Variants in RBL2 observed in about 807,000 individuals in gnomAD.
RBL2 encodes the protein RB transcriptional corepressor like 2.
Under a neutral mutation model 126.0 loss-of-function variants are expected in RBL2, and 56 were observed. The ratio of observed to expected loss-of-function variants is 0.44; its 90% CI spans 0.36 to 0.56. The LOEUF (loss-of-function observed/expected upper bound fraction) is 0.56, where lower values mean the gene tolerates loss of function less well. RBL2 is among the 20% of genes least tolerant of loss of function. The probability of loss-of-function intolerance (pLI) is 0.00; values close to 1 mark genes in which losing one functional copy is unlikely to be tolerated. For synonymous variants in RBL2, 454 were observed against 478.5 expected, an observed-to-expected ratio of 0.95 and a Z score of 0.67; for missense variants, 1,229 against 1,398.2, an observed-to-expected ratio of 0.88 and a Z score of 1.93.
chr16:53,485,428 A>T (rs1009439106), intron 21 of RBL2, among the ~76,000 whole-genome samples: 1 of 152,236 alleles, frequency 6.6e-6, no homozygotes, highest in Non-Finnish European at 1.5e-5. Context: ...AGAAATACAT[A>T]CACCTATGTT....
intron 4 of RBL2, among the ~76,000 whole-genome samples, chr16:53,450,382 G>A (rs1028622461): frequency 2.0e-4 from 30 of 152,182 alleles, no homozygotes; most frequent in Admixed American, 5.2e-4. Context: ...TTGGGTAGGC[G>A]TTAAGTGTGA....
At position 53,465,444 on chromosome 16, in the gene RBL2, G is replaced by A. The variant is rs771254607; in HGVS notation, c.1705G>A (p.Glu569Lys). ...AAGACATTTTTTATTTCAGGTGATA[G>A]AAGTATTCATTAGAGCAGAAGATGG... The part of the protein sequence containing the change: ...VPLYHFYKVI[E>K]VFIRAEDGLC... Residue 569 changes from glutamate to lysine, a missense_variant, in exon 13 of 22, where the codon GAA (glutamate) becomes AAA (lysine). Transcript: ENST00000262133. 6.9e-7 allele frequency: 1 copy of A among 1,443,264 alleles called. No homozygotes were observed. Among genetic ancestry groups the A allele is most frequent in the Non-Finnish European group, 9.2e-7 (1 of 1,092,832 alleles). 89.4% of individuals were successfully genotyped at this position (1,443,264 alleles called of 1,614,324 possible).
chr16:53,480,034 T>C (rs1013423260), intron 19 of RBL2, 43 bp downstream of exon 19: 3 of 1,366,476 alleles, frequency 2.2e-6, no homozygotes, highest in Admixed American at 4.3e-5. Flanking sequence ...ATTAGGAGCT[T>C]TTCTTACTTT....
rs561127606 is a variant in RBL2, at chr16:53,482,536, G to A, written c.3249+701G>A. ...GATAAAGGTTGCTTAGAGGCTGGGC[G>A]TTGTGGCTCACACCTGTAATCCCAA... is the stretch of plus-strand genomic sequence containing the variant. On this transcript the variant is annotated intron_variant, in intron 21 of 21. Transcript: ENST00000262133. Among the ~76,000 whole-genome samples, 325 of 152,280 alleles carry A rather than the reference G, an allele frequency of 2.1e-3. 2 individuals are homozygous for A. The highest frequency in any genetic ancestry group is 6.9e-3 in the African/African-American group (285 of 41,566).
chr16:53,460,770 T>A (rs1466405530), intron 9 of RBL2, among the ~76,000 whole-genome samples: 1 of 152,170 alleles, frequency 6.6e-6, no homozygotes, highest in Non-Finnish European at 1.5e-5. Context: ...GGACTGTAAT[T>A]GATTTTTATT....
At chr16:53,471,074 G>A in intron 17 of RBL2, 152 bp downstream of exon 17, 1 of 723,472 alleles carries the variant, frequency 1.4e-6, no homozygotes, top group Non-Finnish European at 2.2e-6. Flanking sequence ...ACAGATATGT[G>A]CAATACTCAC....
Position 53,464,252 on chromosome 16 carries a change from C to G in RBL2, c.1587C>G (p.His529Gln). The G allele has an allele frequency of 6.3e-7, 1 of 1,592,784 alleles. No individual in the cohort carries two copies. The highest frequency in any genetic ancestry group is 1.4e-5 in the African/African-American group (1 of 73,990). The change falls in exon 12 of 22, where the codon CAC becomes CAG. Residue 529 changes from histidine to glutamine, a missense_variant. Physicochemically the swap from His to Gln is conservative, Grantham distance 24. Coordinates refer to ENST00000262133, the MANE Select transcript of RBL2 (RefSeq NM_005611.4). ...GTATTCTGGAACAAGATGCGTTCCACAGATCTCTCTTGGCCTGCTGCCTTG... is the reference window on the plus strand; with the variant it reads ...GTATTCTGGAACAAGATGCGTTCCAGAGATCTCTCTTGGCCTGCTGCCTTG... ...LSGILEQDAF[H>Q]RSLLACCLEV...
At chr16:53,437,166 C>T (rs10521287) in intron 1 of RBL2, among the ~76,000 whole-genome samples, 7,918 of 151,738 alleles carry the variant, frequency 0.052, 619 homozygotes, top group African/African-American at 0.18. Context: ...ATGCTGTGAC[C>T]GACTTAACTT....
At chr16:53,438,541 C>A (rs1267854748) in intron 1 of RBL2, among the ~76,000 whole-genome samples, 1 of 152,014 alleles carries the variant, frequency 6.6e-6, no homozygotes, top group East Asian at 1.9e-4. Flanking sequence ...GTTAATGTCA[C>A]ATTATAAGAA....
chr16:53,447,030 C>G lies in RBL2; in HGVS notation c.573-12C>G. On this transcript the variant is annotated splice_polypyrimidine_tract_variant and intron_variant, in intron 3 of 21. Transcript: ENST00000262133. ...CTGTTGTCTCATGACTTTTTTTTTTCTTCCCCCAAAGGCGACAGCCCTGTA... is the reference window on the plus strand; with the variant it reads ...CTGTTGTCTCATGACTTTTTTTTTTGTTCCCCCAAAGGCGACAGCCCTGTA... 1.4e-6 allele frequency: 2 copies of G among 1,434,872 alleles called. No homozygotes were observed. The highest frequency in any genetic ancestry group is 1.8e-6 in the Non-Finnish European group (2 of 1,089,150). The allele number at this position is 1,434,872 out of a possible 1,614,324, so 88.9% of individuals were successfully genotyped here. A position where few individuals can be genotyped will look rare whatever the true frequency, so the allele number is the denominator to read the frequency against.
In RBL2 at chr16:53,477,506, G is replaced by A. The variant is rs561660319; in HGVS notation, c.2704-1648G>A. On this transcript the variant is annotated intron_variant, in intron 17 of 21. Coordinates refer to ENST00000262133, the MANE Select transcript of RBL2 (RefSeq NM_005611.4). ...GGTGCAGGCATGTGCCACCATGCCC[G>A]GCTGATTTTTGTATTTTTTTGTAGA... Among the ~76,000 whole-genome samples, 6 of 152,036 alleles carry A rather than the reference G, an allele frequency of 3.9e-5. No individual in the cohort carries two copies. In the South Asian group the frequency reaches 6.2e-4, roughly 16 times the overall value.
chr16:53,460,385 C>G (rs983532620), intron 9 of RBL2, among the ~76,000 whole-genome samples: 5 of 152,146 alleles, frequency 3.3e-5, no homozygotes, highest in African/African-American at 1.2e-4. Flanking sequence ...TCTTAAATGC[C>G]AACTACTTTT....
chr16:53,459,395 A>C (rs2058197708), intron 8 of RBL2, 56 bp from the exon 9 acceptor site: 1 of 1,457,398 alleles, frequency 6.9e-7, no homozygotes. Context: ...TTCTGGCCTA[A>C]AATAATGTTC....
At chr16:53,438,368 G>A (rs2057979670) in intron 1 of RBL2, among the ~76,000 whole-genome samples, 1 of 152,184 alleles carries the variant, frequency 6.6e-6, no homozygotes, top group African/African-American at 2.4e-5. Context: ...CTAAGAGAGA[G>A]AACCAAGTGG....
intron 4 of RBL2, among the ~76,000 whole-genome samples, chr16:53,447,537 A>G (rs1373386677): frequency 6.6e-6 from 1 of 152,034 alleles, no homozygotes; most frequent in Non-Finnish European, 1.5e-5. Flanking sequence ...AAATGCTTTT[A>G]TATACTATTT....
Position 53,470,506 on chromosome 16 carries a change from G to A in RBL2, c.2369G>A (p.Ser790Asn), listed in dbSNP as rs374414587. Reference protein sequence around the residue: ...LSAQALAGSLSSQQVTGTTLQ... With the variant: ...LSAQALAGSLNSQQVTGTTLQ... ...GCTCAGGCCCTGGCTGGAAGTCTGA[G>A]CTCTCAACAGGTGACAGGAACAACT... is the stretch of plus-strand genomic sequence containing the variant. The change falls in exon 16 of 22, where the codon AGC (serine) becomes AAC (asparagine). Residue 790 changes from serine (S) to asparagine (N), a missense_variant. By Grantham distance (46) the Ser-to-Asn change is conservative. Coordinates refer to ENST00000262133, the MANE Select transcript of RBL2 (RefSeq NM_005611.4). 92 of 1,614,020 alleles carry A rather than the reference G, an allele frequency of 5.7e-5. No homozygotes were observed. Among genetic ancestry groups the A allele is most frequent in the Non-Finnish European group, 7.5e-5 (89 of 1,180,044 alleles).
rs1184312479 is a variant in RBL2, at chr16:53,434,717, G to A, written c.161G>A (p.Ser54Asn). ...QIQQRFDELC[S>N]RLNMDEAARA... The stretch of plus-strand genomic sequence containing the variant: ...CAGCAGCGGTTCGACGAGCTGTGCA[G>A]CCGCCTCAACATGGACGAGGCGGCG... Residue 54 changes from serine (S) to asparagine (N), a missense_variant, in exon 1 of 22, where the codon AGC becomes AAC. Ser to Asn is a conservative substitution (Grantham distance 46). Coordinates refer to ENST00000262133, the MANE Select transcript of RBL2 (RefSeq NM_005611.4). The A allele has an allele frequency of 1.3e-6, 2 of 1,558,168 alleles. No individual in the cohort carries two copies. The highest frequency in any genetic ancestry group is 1.4e-5 in the African/African-American group (1 of 73,174).
intron 18 of RBL2, chr16:53,479,621 A>T: frequency 2.2e-6 from 1 of 462,310 alleles, no homozygotes; most frequent in Non-Finnish European, 3.8e-6. Context: ...AGATCTGTGT[A>T]TCTTACTTAG....
chr16:53,465,674 T>G, intron 13 of RBL2, 72 bp downstream of exon 13: 1 of 1,249,694 alleles, frequency 8.0e-7, no homozygotes, highest in Non-Finnish European at 1.1e-6. Context: ...CTTTTGGGGA[T>G]GGGAGGGTGG....
Sources: allele counts gnomAD v4.1 joint callset (sites outside exome capture counted in the v4.1 genomes callset), GRCh38; gene constraint gnomAD v4.1.1; transcripts MANE v1.5; gene names NCBI Gene and HGNC (gene_info 2026-07-23, HGNC 2026-07-21).